Variants in MAGI2 observed in about 807,000 individuals in gnomAD.
MAGI2 encodes the protein membrane-associated guanylate kinase, WW and PDZ domain-containing protein 2.
A neutral mutation model predicts 133.3 loss-of-function variants in MAGI2; 35 were observed. That is an observed-to-expected ratio of 0.26 (90% CI 0.20 to 0.35). MAGI2 has a LOEUF of 0.35. Among genes scored for constraint, MAGI2 ranks in the 10% least tolerant of loss-of-function variants. The pLI is 1.00. For synonymous variants in MAGI2, 729 were observed against 710.6 expected (o/e 1.03, Z -0.41); for missense variants, 1,636 against 1,863.4 (o/e 0.88, Z 2.25).
chr7:78,752,846 C>A (rs138898488), intron 2 of MAGI2, among the ~76,000 whole-genome samples: 1 of 152,136 alleles, frequency 6.6e-6, no homozygotes, highest in Non-Finnish European at 1.5e-5. Flanking sequence ...TAAATTCTGT[C>A]CAAATATCTG....
In MAGI2 at chr7:78,288,083, C is replaced by T. The variant is rs576084015; in HGVS notation, c.1409-31502G>A. Reference sequence around the variant, plus strand: ...AGATAAATCCAAGTGCCTGGATTTTCAATGTGAGTATATTATTTCAAACGC... The same window carrying T: ...AGATAAATCCAAGTGCCTGGATTTTTAATGTGAGTATATTATTTCAAACGC... On this transcript the variant is annotated intron_variant, in intron 9 of 21. Coordinates refer to ENST00000354212, the MANE Select transcript of MAGI2 (RefSeq NM_012301.4). Among the ~76,000 whole-genome samples, 24 of 152,204 alleles carry T rather than the reference C, an allele frequency of 1.6e-4. No homozygotes were observed. The South Asian group carries it at 5.0e-3, about 32-fold the overall frequency.
rs548892990 is a variant in MAGI2, at chr7:78,402,414, T to C, written c.1046-33201A>G. ...TGTGTGTCCACCTGGGGCATGTATG[T>C]TTCCACCTGGGGTATGCATGTGTGT... On this transcript the variant is annotated intron_variant, in intron 6 of 21. Coordinates refer to ENST00000354212, the MANE Select transcript of MAGI2 (RefSeq NM_012301.4). 3.9e-5 allele frequency among the ~76,000 whole-genome samples: 6 copies of C among 152,170 alleles called. No individual in the cohort carries two copies. The East Asian group carries it at 9.7e-4, about 25-fold the overall frequency.
chr7:78,612,913 G>A (rs538598229), intron 3 of MAGI2, among the ~76,000 whole-genome samples: 3 of 152,092 alleles, frequency 2.0e-5, no homozygotes, highest in East Asian at 1.9e-4. Context: ...CTCGTGATCC[G>A]CCCGCCTCGG....
intron 1 of MAGI2, among the ~76,000 whole-genome samples, chr7:79,427,896 T>G (rs1289469820): frequency 6.6e-6 from 1 of 151,766 alleles, no homozygotes; most frequent in African/African-American, 2.4e-5. Context: ...GTAGGGCAAA[T>G]GAAGGGACAC....
intron 2 of MAGI2, among the ~76,000 whole-genome samples, chr7:78,691,496 G>A (rs955776783): frequency 2.0e-5 from 3 of 152,196 alleles, no homozygotes; most frequent in Non-Finnish European, 2.9e-5. Context: ...GCTCCCTGAA[G>A]TGGGTGAGAG....
At chr7:78,189,178 A>G (rs933941092) in intron 12 of MAGI2, among the ~76,000 whole-genome samples, 2 of 152,204 alleles carry the variant, frequency 1.3e-5, no homozygotes, top group Non-Finnish European at 2.9e-5. Context: ...TGTGTATTAC[A>G]ATACTGAACA....
In MAGI2 at chr7:79,453,457, C is replaced by T; in HGVS notation, c.-137G>A. The T allele has an allele frequency of 1.4e-6, 2 of 1,474,528 alleles. No individual in the cohort carries two copies. The highest frequency in any genetic ancestry group is 8.9e-7 in the Non-Finnish European group (1 of 1,120,428). The allele number at this position is 1,474,528 out of a possible 1,614,324, so 91.3% of individuals were successfully genotyped here. On this transcript the variant is annotated 5_prime_UTR_variant, in exon 1 of 22. Coordinates refer to ENST00000354212, the MANE Select transcript of MAGI2 (RefSeq NM_012301.4). The stretch of plus-strand genomic sequence containing the variant: ...TGCCTTCGCCCCCCTCTATTCGGTG[C>T]TTTCCCTCTTCTTTGGATGGAGTGT...
At chr7:78,756,533 G>T (rs1208781649) in intron 2 of MAGI2, among the ~76,000 whole-genome samples, 1 of 152,096 alleles carries the variant, frequency 6.6e-6, no homozygotes, top group Non-Finnish European at 1.5e-5. Flanking sequence ...GTGGGAATGG[G>T]CAGCAATACA....
At chr7:78,272,448 T>C (rs998605892) in intron 9 of MAGI2, among the ~76,000 whole-genome samples, 2 of 152,214 alleles carry the variant, frequency 1.3e-5, no homozygotes, top group African/African-American at 4.8e-5. Context: ...TGTAGATGTC[T>C]ATTAGGTCTG....
intron 1 of MAGI2, among the ~76,000 whole-genome samples, chr7:79,246,678 CAA>C (rs1832846520): frequency 2.0e-5 from 3 of 152,052 alleles, no homozygotes; most frequent in African/African-American, 4.8e-5. Flanking sequence ...CTCAAAAGGG[CAA>C]AGAGTCATTA....
At chr7:79,119,609 C>A (rs541799390) in intron 1 of MAGI2, among the ~76,000 whole-genome samples, 7 of 152,100 alleles carry the variant, frequency 4.6e-5, no homozygotes, top group Admixed American at 4.6e-4. Flanking sequence ...TAGTTGGAAA[C>A]CTAGATTTTA....
At chr7:79,135,017 T>C (rs1300632213) in intron 1 of MAGI2, among the ~76,000 whole-genome samples, 1 of 152,008 alleles carries the variant, frequency 6.6e-6, no homozygotes, top group Non-Finnish European at 1.5e-5. Context: ...TGACAAAGAG[T>C]GGAATAATTT....
chr7:78,145,711 T>C (rs1053417070), intron 16 of MAGI2, among the ~76,000 whole-genome samples: 20 of 152,162 alleles, frequency 1.3e-4, no homozygotes, highest in African/African-American at 4.3e-4. Context: ...TGTGAACCAA[T>C]ATATATCTGT....
intron 9 of MAGI2, among the ~76,000 whole-genome samples, chr7:78,308,297 A>T (rs559798366): frequency 6.6e-6 from 1 of 152,326 alleles, no homozygotes; most frequent in African/African-American, 2.4e-5. Flanking sequence ...GGCCACCTTG[A>T]AATGGTCAGA....
intron 2 of MAGI2, among the ~76,000 whole-genome samples, chr7:78,650,979 T>G (rs1191058411): frequency 6.6e-6 from 1 of 152,166 alleles, no homozygotes; most frequent in Non-Finnish European, 1.5e-5. Flanking sequence ...AGTGGTGATT[T>G]GAGGCGTTCT....
chr7:78,183,148 C>T (rs1314288569), intron 13 of MAGI2, among the ~76,000 whole-genome samples: 1 of 151,964 alleles, frequency 6.6e-6, no homozygotes, highest in Non-Finnish European at 1.5e-5. Context: ...TAATAATATA[C>T]CTTATAATTA....
chr7:78,047,755 T>C (rs1164765229), intron 21 of MAGI2, among the ~76,000 whole-genome samples: 2 of 152,238 alleles, frequency 1.3e-5, no homozygotes, highest in Admixed American at 1.3e-4. Context: ...GGGCCTGCAC[T>C]GTGGGCCTTG....
At chr7:78,400,973 G>C (rs762608608) in intron 6 of MAGI2, among the ~76,000 whole-genome samples, 1 of 151,816 alleles carries the variant, frequency 6.6e-6, no homozygotes. Flanking sequence ...AGGGAAAGCC[G>C]ATTTCCTTTC....
chr7:79,062,458 T>C (rs558396433), intron 1 of MAGI2, among the ~76,000 whole-genome samples: 237 of 152,276 alleles, frequency 1.6e-3, no homozygotes, highest in African/African-American at 5.6e-3. Flanking sequence ...GTCTGGCTCC[T>C]CCCTGTCATC....
Sources: allele counts gnomAD v4.1 joint callset (sites outside exome capture counted in the v4.1 genomes callset), GRCh38; gene constraint gnomAD v4.1.1; transcripts MANE v1.5; gene names NCBI Gene and HGNC (gene_info 2026-07-23, HGNC 2026-07-21).